ANKS1B: variants seen among roughly 807,000 people sequenced by gnomAD.
The protein encoded by ANKS1B is ankyrin repeat and sterile alpha motif domain-containing protein 1B.
In ANKS1B, 36 loss-of-function variants were observed where a neutral mutation model predicts 148.3. The ratio of observed to expected loss-of-function variants is 0.24; its 90% CI spans 0.19 to 0.32. The LOEUF (loss-of-function observed/expected upper bound fraction) is 0.32. ANKS1B is among the 10% of genes least tolerant of loss of function. ANKS1B has a pLI of 1.00. For synonymous variants in ANKS1B, 542 were observed against 560.8 expected, an observed-to-expected ratio of 0.97 and a Z score of 0.47; for missense variants, 1,157 against 1,542.6, an observed-to-expected ratio of 0.75 and a Z score of 4.19.
chr12:99,534,705 C>CT (rs2097044977), intron 9 of ANKS1B, among the ~76,000 whole-genome samples: 2 of 140,268 alleles, frequency 1.4e-5, no homozygotes, highest in African/African-American at 5.3e-5. Context: ...TTTCTTTTTT[C>CT]TTTTCTTTTT....
chr12:99,902,962 C>T (rs1057346345), intron 1 of ANKS1B, among the ~76,000 whole-genome samples: 9 of 149,600 alleles, frequency 6.0e-5, no homozygotes, highest in African/African-American at 1.0e-4. Context: ...AGACAGGGTT[C>T]GCCATGTTAG....
chr12:98,974,146 G>A (rs79035793), intron 17 of ANKS1B, among the ~76,000 whole-genome samples: 4,219 of 152,180 alleles, frequency 0.028, 166 homozygotes, highest in African/African-American at 0.09. Context: ...TTCTTAACTC[G>A]AAAAGTTAAG....
At chr12:99,007,060 A>G (rs1444684757) in intron 17 of ANKS1B, among the ~76,000 whole-genome samples, 1 of 52,042 alleles carries the variant, frequency 1.9e-5, no homozygotes, top group Non-Finnish European at 4.2e-5. Flanking sequence ...AATAAAGCAT[A>G]AAAAATCAGT....
intron 17 of ANKS1B, among the ~76,000 whole-genome samples, chr12:98,851,684 C>T (rs187538838): frequency 4.6e-5 from 7 of 152,108 alleles, no homozygotes; most frequent in East Asian, 1.9e-4. Flanking sequence ...AGTGTATACT[C>T]GGTAAATACA....
At chr12:99,494,054 A>C (rs1324019573) in intron 10 of ANKS1B, among the ~76,000 whole-genome samples, 2 of 152,188 alleles carry the variant, frequency 1.3e-5, no homozygotes, top group Admixed American at 1.3e-4. Context: ...ACAATAGAGA[A>C]GGAGCACCAT....
chr12:99,501,939 T>A (rs1407992317), intron 10 of ANKS1B, among the ~76,000 whole-genome samples: 1 of 152,198 alleles, frequency 6.6e-6, no homozygotes, highest in African/African-American at 2.4e-5. Flanking sequence ...AGTTTTTTTC[T>A]TTTCTATATC....
chr12:99,815,946 T>C (rs1460695718), intron 2 of ANKS1B, among the ~76,000 whole-genome samples: 1 of 151,318 alleles, frequency 6.6e-6, no homozygotes, highest in Non-Finnish European at 1.5e-5. Flanking sequence ...ACTATACACA[T>C]GTGTGCATGT....
intron 17 of ANKS1B, among the ~76,000 whole-genome samples, chr12:98,915,010 C>T (rs557798562): frequency 1.3e-4 from 20 of 152,270 alleles, no homozygotes; most frequent in African/African-American, 1.2e-4. Flanking sequence ...TTGTTTACTG[C>T]TACATCCTCA....
intron 15 of ANKS1B, among the ~76,000 whole-genome samples, chr12:99,093,987 T>C (rs950528445): frequency 6.6e-6 from 1 of 152,242 alleles, no homozygotes; most frequent in Non-Finnish European, 1.5e-5. Context: ...TCACTTAATC[T>C]GGCTGCCTTA....
chr12:99,686,272 A>C (rs1363185079), intron 8 of ANKS1B, among the ~76,000 whole-genome samples: 1 of 152,176 alleles, frequency 6.6e-6, no homozygotes, highest in Non-Finnish European at 1.5e-5. Flanking sequence ...ATAACAGCCA[A>C]GTTTCAGCTA....
chr12:98,819,887 C>T (rs1160069654), intron 19 of ANKS1B, among the ~76,000 whole-genome samples: 1 of 152,040 alleles, frequency 6.6e-6, no homozygotes, highest in African/African-American at 2.4e-5. Context: ...GAATAGAGGC[C>T]CATACAGAAA....
intron 21 of ANKS1B, 63 bp downstream of exon 21, chr12:98,800,934 A>G (rs2099000064): frequency 6.5e-7 from 1 of 1,530,792 alleles, no homozygotes; most frequent in South Asian, 1.3e-5. Context: ...GTAAATGCAA[A>G]CAAGCTGAAA....
intron 1 of ANKS1B, among the ~76,000 whole-genome samples, chr12:99,913,273 G>A (rs1054195141): frequency 6.6e-6 from 1 of 151,790 alleles, no homozygotes; most frequent in African/African-American, 2.4e-5. Context: ...TCATTTCCTC[G>A]ATCTAGCCAA....
chr12:99,163,606 T>A, intron 14 of ANKS1B, among the ~76,000 whole-genome samples: 1 of 152,138 alleles, frequency 6.6e-6, no homozygotes, highest in Middle Eastern at 3.2e-3. Flanking sequence ...AACTTTTTTT[T>A]ATGGCCATAG....
chr12:99,290,711 A>G (rs1462938946), intron 12 of ANKS1B, among the ~76,000 whole-genome samples: 3 of 152,168 alleles, frequency 2.0e-5, no homozygotes, highest in Admixed American at 6.5e-5. Context: ...AGCATTTGAT[A>G]AAATTCAATA....
At position 99,246,813 on chromosome 12, in the gene ANKS1B, C is replaced by A. The variant is rs980401688; in HGVS notation, c.1808G>T (p.Gly603Val). The A allele has an allele frequency of 6.8e-6, 11 of 1,609,858 alleles. No individual in the cohort carries two copies. In the African/African-American group the frequency reaches 1.1e-4, roughly 16 times the overall value. Residue 603 changes from glycine to valine, a missense_variant, in exon 13 of 27, where the codon GGG (glycine) becomes GTG (valine). Gly to Val is a moderately radical substitution (Grantham distance 109, BLOSUM62 -3). This residue lies in a region of ANKS1B where 661 missense variants were observed against 642.1 expected (regional missense o/e 1.03). Coordinates refer to ENST00000683438, the MANE Select transcript of ANKS1B (RefSeq NM_001352186.2). ...TCCATGGAGCAGGCCTGCAAATTGC[C>A]CAGGATCATATTCTTTTGGGGGATC... The part of the protein sequence containing the change: ...DNDPPKEYDP[G>V]QFAGLLHGSS...
At chr12:98,858,736 C>T (rs1050701056) in intron 17 of ANKS1B, among the ~76,000 whole-genome samples, 6 of 152,114 alleles carry the variant, frequency 3.9e-5, no homozygotes, top group Non-Finnish European at 8.8e-5. Flanking sequence ...ACCCTCACTC[C>T]ATGGGCAATA....
At chr12:99,516,265 A>C (rs2096819972) in intron 9 of ANKS1B, among the ~76,000 whole-genome samples, 1 of 152,076 alleles carries the variant, frequency 6.6e-6, no homozygotes. Context: ...AACTTTTCTT[A>C]TGGCAGTTTC....
intron 1 of ANKS1B, among the ~76,000 whole-genome samples, chr12:99,891,691 T>C (rs1304364612): frequency 1.3e-5 from 2 of 152,232 alleles, no homozygotes; most frequent in African/African-American, 2.4e-5. Context: ...CTGTAAAATA[T>C]GTTTATGATA....
Sources: allele counts gnomAD v4.1 joint callset (sites outside exome capture counted in the v4.1 genomes callset), GRCh38; gene constraint gnomAD v4.1.1; regional missense constraint gnomAD v4.1.1; transcripts MANE v1.5; gene names NCBI Gene and HGNC (gene_info 2026-07-23, HGNC 2026-07-21).